Variants in CFAP54 observed in about 807,000 individuals in gnomAD.
The protein encoded by CFAP54 is cilia and flagella associated protein 54.
Under a neutral mutation model 370.4 loss-of-function variants are expected in CFAP54, and 290 were observed. The ratio of observed to expected loss-of-function variants is 0.78; its 90% CI spans 0.71 to 0.86. The LOEUF is 0.86. CFAP54 is among the 40% of genes least tolerant of loss of function. CFAP54 has a pLI of 0.00. For synonymous variants in CFAP54, 1,206 were observed against 1,236.5 expected (o/e 0.98, Z 0.52); for missense variants, 3,399 against 3,528.7 (o/e 0.96, Z 0.93).
intron 39 of CFAP54, among the ~76,000 whole-genome samples, chr12:96,664,399 T>C (rs1297405390): frequency 6.6e-6 from 1 of 152,168 alleles, no homozygotes; most frequent in Non-Finnish European, 1.5e-5. Flanking sequence ...TTTCTATTCC[T>C]GCATTCATTT....
chr12:96,548,856 A>AT lies in CFAP54; in HGVS notation c.2154+894dup, dbSNP rs35755598. 6.5e-3 allele frequency among the ~76,000 whole-genome samples: 928 copies of AT among 142,696 alleles called. 4 individuals are homozygous for AT. Among genetic ancestry groups the AT allele is most frequent in the South Asian group, 0.025 (110 of 4,444 alleles). The allele number at this position is 142,696 out of a possible 152,430, so 93.6% of individuals were successfully genotyped here. ...AGATTCTTAAAAGTTCCTCCGGTAG[A>AT]TTTTTTTTTTTTTTTTGAGATGGAG... On this transcript the variant is annotated intron_variant, in intron 15 of 67. Transcript: ENST00000524981.
At chr12:96,677,227 TC>T (rs1226421650) in intron 39 of CFAP54, among the ~76,000 whole-genome samples, 1 of 151,920 alleles carries the variant, frequency 6.6e-6, no homozygotes, top group Non-Finnish European at 1.5e-5. Context: ...TCCAGGCCTG[TC>T]TTGAACTCCT....
chr12:96,512,333 AT>A (rs1955180860), intron 4 of CFAP54, among the ~76,000 whole-genome samples: 6 of 37,422 alleles, frequency 1.6e-4, no homozygotes, highest in African/African-American at 6.7e-4. Flanking sequence ...ATATATATAT[AT>A]ATATATATAT....
intron 26 of CFAP54, among the ~76,000 whole-genome samples, chr12:96,619,477 AT>A (rs11359066): frequency 0.59 from 90,274 of 151,900 alleles, 27,240 homozygotes; most frequent in Admixed American, 0.63. Context: ...AAGCATCAGT[AT>A]TTTTTTTCTA....
intron 15 of CFAP54, among the ~76,000 whole-genome samples, chr12:96,548,320 C>T (rs976103476): frequency 6.6e-6 from 1 of 151,928 alleles, no homozygotes; most frequent in East Asian, 1.9e-4. Context: ...ATAATGTCTT[C>T]AAGATATTTG....
At chr12:96,494,008 G>C (rs1051557527) in intron 1 of CFAP54, among the ~76,000 whole-genome samples, 2 of 152,148 alleles carry the variant, frequency 1.3e-5, no homozygotes, top group Non-Finnish European at 2.9e-5. Context: ...ACTTGCTTTC[G>C]AATGATTGGT....
chr12:96,863,629 C>T (rs1959933361), intron 67 of CFAP54, among the ~76,000 whole-genome samples: 1 of 152,112 alleles, frequency 6.6e-6, no homozygotes, highest in South Asian at 2.1e-4. Context: ...AAAACTGGGA[C>T]ACCTGTCATC....
At chr12:96,682,423 A>C (rs1296930659) in intron 40 of CFAP54, 2 of 500,118 alleles carry the variant, frequency 4.0e-6, no homozygotes, top group African/African-American at 4.2e-5. Flanking sequence ...GCTGGAGTGC[A>C]GTGGTGCCAT....
At chr12:96,751,754 C>T (rs985521501) in intron 55 of CFAP54, among the ~76,000 whole-genome samples, 3 of 152,072 alleles carry the variant, frequency 2.0e-5, no homozygotes, top group Non-Finnish European at 4.4e-5. Flanking sequence ...ATTCAATCCC[C>T]TTGAACAAGT....
chr12:96,821,494 G>C (rs1297072443), intron 65 of CFAP54, among the ~76,000 whole-genome samples: 3 of 152,036 alleles, frequency 2.0e-5, no homozygotes, highest in African/African-American at 7.2e-5. Context: ...CTCCAACCTA[G>C]AAAGTGTTTC....
In CFAP54 at chr12:96,792,434, A is replaced by G; in HGVS notation, c.8785A>G (p.Lys2929Glu). ...PIEMVTQASN[K>E]ELCFQWYIPP... Reference sequence around the variant, plus strand: ...AGAAATGGTAACGCAAGCTTCAAACAAAGAACTTTGCTTTCAATGGTACAT... The same window carrying G: ...AGAAATGGTAACGCAAGCTTCAAACGAAGAACTTTGCTTTCAATGGTACAT... Residue 2929 changes from lysine to glutamate, a missense_variant, in exon 63 of 68, where the codon AAA becomes GAA. Physicochemically the swap from Lys to Glu is moderately conservative, Grantham distance 56. This residue lies in a region of CFAP54 where 2,796 missense variants were observed against 2,869.7 expected (regional missense o/e 0.97). Transcript: ENST00000524981. 2 of 1,535,968 alleles carry G rather than the reference A, an allele frequency of 1.3e-6. No individual in the cohort carries two copies. The highest frequency in any genetic ancestry group is 1.7e-6 in the Non-Finnish European group (2 of 1,146,798).
chr12:96,537,323 A>G (rs1456588049), intron 12 of CFAP54, among the ~76,000 whole-genome samples: 1 of 151,672 alleles, frequency 6.6e-6, no homozygotes, highest in Non-Finnish European at 1.5e-5. Context: ...TTACTAGTTC[A>G]TCTCCCCCTG....
intron 50 of CFAP54, among the ~76,000 whole-genome samples, chr12:96,737,318 G>A (rs1393240021): frequency 3.3e-5 from 5 of 152,026 alleles, no homozygotes; most frequent in Admixed American, 6.5e-5. Context: ...TTATTCACAG[G>A]AAGTGCTTAA....
At chr12:96,607,405 A>C (rs976890879) in intron 26 of CFAP54, among the ~76,000 whole-genome samples, 1 of 152,206 alleles carries the variant, frequency 6.6e-6, no homozygotes, top group African/African-American at 2.4e-5. Context: ...ACAAACAAAA[A>C]TAACCCTTCT....
In CFAP54 at chr12:96,591,890, C is replaced by CA. The variant is rs754624061; in HGVS notation, c.3213-586dup. ...TGGGCGACAGAGCGAAACTCCGTCT[C>CA]AAAAAAAAAAAAAAGAAATATTTTT... On this transcript the variant is annotated intron_variant, in intron 23 of 67. Transcript: ENST00000524981. Among the ~76,000 whole-genome samples the CA allele has an allele frequency of 9.1e-3, 842 of 92,568 alleles. 10 individuals are homozygous for CA. Among genetic ancestry groups the CA allele is most frequent in the African/African-American group, 0.027 (623 of 23,074 alleles). The allele number at this position is 92,568 out of a possible 152,430, so 60.7% of individuals were successfully genotyped here.
chr12:96,610,524 C>T (rs886827191), intron 26 of CFAP54, among the ~76,000 whole-genome samples: 12 of 152,160 alleles, frequency 7.9e-5, no homozygotes, highest in African/African-American at 2.9e-4. Flanking sequence ...GTACTGGGTT[C>T]ATCTCACTGG....
chr12:96,630,238 TG>T (rs35205059), intron 31 of CFAP54, 34 bp downstream of exon 31: 487,317 of 1,130,798 alleles, frequency 0.43, 109,493 homozygotes, highest in African/African-American at 0.58. Flanking sequence ...TTTTAGGTAA[TG>T]AAATTAAGAG....
chr12:96,526,140 T>C (rs1032120666), intron 8 of CFAP54, among the ~76,000 whole-genome samples: 1 of 152,150 alleles, frequency 6.6e-6, no homozygotes, highest in Non-Finnish European at 1.5e-5. Context: ...AGAAGAGAAA[T>C]AAAAGCAAGG....
intron 66 of CFAP54, among the ~76,000 whole-genome samples, chr12:96,829,932 C>T (rs748329400): frequency 6.6e-6 from 1 of 152,164 alleles, no homozygotes; most frequent in East Asian, 1.9e-4. Context: ...TCTGTCTCTA[C>T]GAATTTGTCT....
Sources: gnomAD v4.1 joint callset for allele counts (sites outside exome capture counted in the v4.1 genomes callset) on GRCh38, gnomAD v4.1.1 for gene constraint, gnomAD v4.1.1 regional missense constraint, MANE v1.5 for transcripts, NCBI Gene and HGNC (gene_info 2026-07-23, HGNC 2026-07-21) for gene names.